The following DIAPH3 variants were observed in gnomAD, a reference collection of about 807,000 sequenced individuals.
DIAPH3 encodes diaphanous related formin 3.
DIAPH3 carries 117 observed loss-of-function variants against 144.3 expected under a neutral mutation model. The ratio of observed to expected loss-of-function variants is 0.81; its 90% CI spans 0.70 to 0.95. The LOEUF is 0.95. Ranked by LOEUF, DIAPH3 falls within the 40% of genes least tolerant of loss-of-function variation. The probability of loss-of-function intolerance (pLI) is 0.00; values close to 1 mark genes in which losing one functional copy is unlikely to be tolerated. For missense variants in DIAPH3, 1,421 were observed against 1,412.7 expected (o/e 1.01, Z -0.09); for synonymous variants, 519 against 488.9 (o/e 1.06, Z -0.81).
chr13:59,899,826 T>C (rs1188764462), intron 20 of DIAPH3, among the ~76,000 whole-genome samples: 2 of 152,160 alleles, frequency 1.3e-5, no homozygotes, highest in Non-Finnish European at 1.5e-5. Context: ...TTGCCATCAA[T>C]TAAAAAGAAG....
rs551082291 is a variant in DIAPH3 at position 59,965,227 on chromosome 13, A to AT, written c.2074+4716dup. Among the ~76,000 whole-genome samples, 31 of 152,256 alleles carry AT rather than the reference A, an allele frequency of 2.0e-4. No homozygotes were observed. The East Asian group carries it at 6.0e-3, about 29-fold the overall frequency. ...TTAACTGTTTCCATATGCCATAACT[A>AT]TTCAGTTGAGAAATAATTTATAAAC... On this transcript the variant is annotated intron_variant, in intron 17 of 27. Coordinates refer to ENST00000400324, the MANE Select transcript of DIAPH3 (RefSeq NM_001042517.2).
At chr13:59,814,939 T>A (rs781763928) in intron 24 of DIAPH3, among the ~76,000 whole-genome samples, 7 of 152,228 alleles carry the variant, frequency 4.6e-5, no homozygotes, top group African/African-American at 1.4e-4. Context: ...ATTATGGTAT[T>A]TGTCTCTCAG....
intron 17 of DIAPH3, among the ~76,000 whole-genome samples, chr13:59,927,939 G>C (rs1330219087): frequency 6.6e-6 from 1 of 152,128 alleles, no homozygotes; most frequent in Non-Finnish European, 1.5e-5. Context: ...CCAAGACTTA[G>C]AGAGTTTTCA....
intron 8 of DIAPH3, 137 bp downstream of exon 8, chr13:60,010,396 A>G: frequency 1.1e-6 from 1 of 900,446 alleles, no homozygotes; most frequent in Non-Finnish European, 1.6e-6. Flanking sequence ...ATAAGAAACT[A>G]TATTAGCTGC....
At chr13:60,084,003 T>C (rs1009302618) in intron 4 of DIAPH3, among the ~76,000 whole-genome samples, 8 of 129,948 alleles carry the variant, frequency 6.2e-5, no homozygotes, top group Admixed American at 1.6e-4. Context: ...GATAGATAGA[T>C]AGACAGATAG....
intron 22 of DIAPH3, among the ~76,000 whole-genome samples, chr13:59,851,683 G>C (rs1192294710): frequency 6.9e-6 from 1 of 145,496 alleles, no homozygotes; most frequent in Admixed American, 7.1e-5. Flanking sequence ...TCTTTGCCCA[G>C]GTTGGAGCGC....
intron 17 of DIAPH3, among the ~76,000 whole-genome samples, chr13:59,967,373 C>T (rs1751044290): frequency 6.6e-6 from 1 of 151,940 alleles, no homozygotes; most frequent in African/African-American, 2.4e-5. Flanking sequence ...TTGCACCCGG[C>T]CATAGTTTTG....
chr13:59,778,829 T>A lies in DIAPH3; in HGVS notation c.3164-4006A>T, dbSNP rs1228950774. 2.6e-5 allele frequency among the ~76,000 whole-genome samples: 4 copies of A among 152,244 alleles called. No homozygotes were observed. The East Asian group carries it at 7.7e-4, about 29-fold the overall frequency. On this transcript the variant is annotated intron_variant, in intron 25 of 27. Transcript: ENST00000400324. ...TGCCCATGCATTACTGATAAGTAAGTCCTACAGCAGAAATGATCTTCAGTT... is the reference window on the plus strand; with the variant it reads ...TGCCCATGCATTACTGATAAGTAAGACCTACAGCAGAAATGATCTTCAGTT...
Position 59,666,370 on chromosome 13 carries a change from A to AG in DIAPH3, c.*213_*214insC. The AG allele has an allele frequency of 2.2e-6, 1 of 447,534 alleles. No homozygotes were observed. Among genetic ancestry groups the AG allele is most frequent in the African/African-American group, 2.0e-5 (1 of 48,914 alleles). The allele number at this position is 447,534 out of a possible 1,614,324, so 27.7% of individuals were successfully genotyped here. The stretch of plus-strand genomic sequence containing the variant: ...AATACCAGGAGACAAAAAAAAAAAA[A>AG]AAAGGATTAAAGCCCGGTACAATCT... On this transcript the variant is annotated 3_prime_UTR_variant, in exon 28 of 28. Transcript: ENST00000400324.
At chr13:59,813,231 CAAGTT>C (rs1203063029) in intron 24 of DIAPH3, among the ~76,000 whole-genome samples, 1 of 151,828 alleles carries the variant, frequency 6.6e-6, no homozygotes, top group African/African-American at 2.4e-5. Flanking sequence ...GAAATGGTGT[CAAGTT>C]AACTTGTTAG....
At chr13:59,672,465 T>C (rs930426195) in intron 27 of DIAPH3, among the ~76,000 whole-genome samples, 1 of 152,240 alleles carries the variant, frequency 6.6e-6, no homozygotes, top group Non-Finnish European at 1.5e-5. Flanking sequence ...TTACCTTTTG[T>C]TTTTAACTAT....
In DIAPH3 at chr13:59,784,091, T is replaced by C. The variant is rs901719982; in HGVS notation, c.3164-9268A>G. 2.0e-5 allele frequency among the ~76,000 whole-genome samples: 3 copies of C among 152,280 alleles called. No individual in the cohort carries two copies. In the East Asian group the frequency reaches 5.8e-4, roughly 29 times the overall value. On this transcript the variant is annotated intron_variant, in intron 25 of 27. Coordinates refer to ENST00000400324, the MANE Select transcript of DIAPH3 (RefSeq NM_001042517.2). ...CAACTATATATTACTATTATTTATT[T>C]ATTTATTTAGAGGCGAAGTCTTGCT...
chr13:60,084,731 T>C (rs2057692799), intron 4 of DIAPH3, among the ~76,000 whole-genome samples: 1 of 152,130 alleles, frequency 6.6e-6, no homozygotes, highest in Admixed American at 6.6e-5. Flanking sequence ...AGATCCTTAA[T>C]TTACTTAATC....
At position 59,871,203 on chromosome 13, in the gene DIAPH3, G is replaced by T. The variant is rs760775471; in HGVS notation, c.2607+8026C>A. On this transcript the variant is annotated intron_variant, in intron 21 of 27. Transcript: ENST00000400324. ...TTTTTGTCCATTTTTTTTGGGGGGG[G>T]GGGTGGCGGGCATTCTACACAGACA... is the stretch of plus-strand genomic sequence containing the variant. 6.9e-3 allele frequency among the ~76,000 whole-genome samples: 992 copies of T among 144,610 alleles called. 30 individuals are homozygous for T. The highest frequency in any genetic ancestry group is 6.1e-3 in the Non-Finnish European group (400 of 65,400). The allele number at this position is 144,610 out of a possible 152,430, so 94.9% of individuals were successfully genotyped here.
chr13:59,987,400 C>T (rs1455347689), intron 12 of DIAPH3, among the ~76,000 whole-genome samples: 2 of 146,786 alleles, frequency 1.4e-5, no homozygotes, highest in East Asian at 2.0e-4. Flanking sequence ...GGGTGCAGCG[C>T]ACCAGCATGG....
intron 17 of DIAPH3, among the ~76,000 whole-genome samples, chr13:59,949,903 T>A (rs538200886): frequency 1.2e-4 from 18 of 152,296 alleles, no homozygotes; most frequent in Non-Finnish European, 2.4e-4. Context: ...TGTCTAAACC[T>A]CGTGGATCAC....
At chr13:59,848,012 C>T (rs554432941) in intron 22 of DIAPH3, among the ~76,000 whole-genome samples, 19 of 152,206 alleles carry the variant, frequency 1.2e-4, no homozygotes, top group Non-Finnish European at 2.2e-4. Context: ...TCTTTCATGC[C>T]GCACACATCT....
chr13:60,093,565 A>G (rs2058018845), intron 4 of DIAPH3, 63 bp downstream of exon 4: 1 of 1,111,394 alleles, frequency 9.0e-7, no homozygotes, highest in South Asian at 1.3e-5. Context: ...CATTAGATAA[A>G]TGTGCTGTTT....
At chr13:60,123,371 G>A (rs915313630) in intron 2 of DIAPH3, among the ~76,000 whole-genome samples, 1 of 152,094 alleles carries the variant, frequency 6.6e-6, no homozygotes, top group Non-Finnish European at 1.5e-5. Flanking sequence ...ATGAATGAGT[G>A]GACAAAACAA....
Sources: gnomAD v4.1 joint callset for allele counts (sites outside exome capture counted in the v4.1 genomes callset) on GRCh38, gnomAD v4.1.1 for gene constraint, MANE v1.5 for transcripts, NCBI Gene and HGNC (gene_info 2026-07-23, HGNC 2026-07-21) for gene names.